The following CNTNAP2 variants were observed in gnomAD, a reference collection of about 807,000 sequenced individuals.
The protein encoded by CNTNAP2 is contactin-associated protein-like 2.
Under a neutral mutation model 155.2 loss-of-function variants are expected in CNTNAP2, and 98 were observed. The observed-to-expected ratio is 0.63, with a 90% CI of 0.54 to 0.75. The LOEUF (loss-of-function observed/expected upper bound fraction) is 0.75. Ranked by LOEUF, CNTNAP2 falls within the 30% of genes least tolerant of loss-of-function variation. The pLI, the probability that CNTNAP2 is intolerant of heterozygous loss-of-function variation, is 0.00. For missense variants in CNTNAP2, 1,727 were observed against 1,688.1 expected, an observed-to-expected ratio of 1.02 and a Z score of -0.40; for synonymous variants, 651 against 631.2, an observed-to-expected ratio of 1.03 and a Z score of -0.47.
intron 21 of CNTNAP2, among the ~76,000 whole-genome samples, chr7:148,377,188 G>C (rs1798983995): frequency 1.5e-5 from 1 of 67,692 alleles, no homozygotes; most frequent in African/African-American, 3.6e-5. Flanking sequence ...GGGAGCTTCA[G>C]GTGCTGGCCC....
intron 1 of CNTNAP2, among the ~76,000 whole-genome samples, chr7:146,517,347 G>T (rs1797556131): frequency 6.6e-6 from 1 of 151,922 alleles, no homozygotes; most frequent in South Asian, 2.1e-4. Flanking sequence ...TGGTGAAGAG[G>T]ATCATGAGAT....
chr7:147,172,560 G>T (rs1483804874), intron 8 of CNTNAP2, among the ~76,000 whole-genome samples: 1 of 151,858 alleles, frequency 6.6e-6, no homozygotes, highest in African/African-American at 2.4e-5. Context: ...GTAACTTCAT[G>T]GTTATAATTT....
intron 1 of CNTNAP2, among the ~76,000 whole-genome samples, chr7:146,336,501 T>A (rs982529612): frequency 2.0e-5 from 3 of 151,664 alleles, no homozygotes; most frequent in African/African-American, 7.3e-5. Context: ...CCTGCTGACA[T>A]GTTCTTAGAC....
chr7:146,234,170 A>G (rs1407652182), intron 1 of CNTNAP2, among the ~76,000 whole-genome samples: 1 of 151,050 alleles, frequency 6.6e-6, no homozygotes, highest in African/African-American at 2.4e-5. Context: ...AACTGGTGTG[A>G]GATGGTATCT....
intron 4 of CNTNAP2, among the ~76,000 whole-genome samples, chr7:147,095,186 A>ATTTTTTTTTT (rs36113270): frequency 7.9e-5 from 9 of 114,514 alleles, no homozygotes; most frequent in South Asian, 2.9e-4. Flanking sequence ...CGCCTGGCTA[A>ATTTTTTTTTT]TTTTTTTTTT....
chr7:147,857,052 G>A (rs1003859851), intron 13 of CNTNAP2, among the ~76,000 whole-genome samples: 2 of 152,164 alleles, frequency 1.3e-5, no homozygotes, highest in Non-Finnish European at 2.9e-5. Flanking sequence ...GGTAACATTA[G>A]GCCAGAATGA....
intron 1 of CNTNAP2, among the ~76,000 whole-genome samples, chr7:146,172,456 T>C (rs945203938): frequency 2.6e-5 from 4 of 152,108 alleles, no homozygotes; most frequent in Admixed American, 6.6e-5. Flanking sequence ...ACCTTAGTGG[T>C]CCAGATTTCT....
chr7:147,307,597 C>T (rs533875728), intron 9 of CNTNAP2, among the ~76,000 whole-genome samples: 2 of 151,594 alleles, frequency 1.3e-5, no homozygotes, highest in Non-Finnish European at 2.9e-5. Flanking sequence ...CCTGCCCCCC[C>T]AAAAAAGGAA....
intron 13 of CNTNAP2, among the ~76,000 whole-genome samples, chr7:147,729,786 A>C (rs898477012): frequency 6.6e-6 from 1 of 152,080 alleles, no homozygotes; most frequent in African/African-American, 2.4e-5. Context: ...AATGGTGGAC[A>C]ATATGGTCAG....
chr7:146,856,016 T>C (rs972761660), intron 3 of CNTNAP2, among the ~76,000 whole-genome samples: 2 of 151,360 alleles, frequency 1.3e-5, no homozygotes, highest in Non-Finnish European at 2.9e-5. Context: ...CAGGTTGTGG[T>C]CGAGAAAGAA....
intron 13 of CNTNAP2, among the ~76,000 whole-genome samples, chr7:147,694,039 G>A (rs1171383579): frequency 6.6e-6 from 1 of 151,838 alleles, no homozygotes; most frequent in East Asian, 1.9e-4. Flanking sequence ...TGAGCATTTT[G>A]TTATGCTTTG....
At chr7:147,831,836 A>G (rs1351203876) in intron 13 of CNTNAP2, 2 of 152,154 alleles carry the variant, frequency 1.3e-5, no homozygotes, top group Non-Finnish European at 2.9e-5. Flanking sequence ...AGGCCCCTGC[A>G]CAAGAATGAC....
chr7:147,793,188 A>T (rs1389739801), intron 13 of CNTNAP2, among the ~76,000 whole-genome samples: 1 of 152,078 alleles, frequency 6.6e-6, no homozygotes, highest in Admixed American at 6.6e-5. Flanking sequence ...TTTAATTTTG[A>T]TAATATTCAA....
intron 1 of CNTNAP2, among the ~76,000 whole-genome samples, chr7:146,176,811 A>C (rs2116829264): frequency 6.6e-6 from 1 of 152,330 alleles, no homozygotes; most frequent in African/African-American, 2.4e-5. Flanking sequence ...GGATTTAAAA[A>C]ATTTAGAAAG....
intron 1 of CNTNAP2, among the ~76,000 whole-genome samples, chr7:146,773,258 G>A (rs1459887841): frequency 6.6e-6 from 1 of 152,208 alleles, no homozygotes; most frequent in African/African-American, 2.4e-5. Context: ...TGCAGAAAGT[G>A]TTACAAATAG....
intron 17 of CNTNAP2, among the ~76,000 whole-genome samples, chr7:148,159,459 A>G (rs1450086356): frequency 1.3e-5 from 2 of 152,066 alleles, no homozygotes; most frequent in African/African-American, 2.4e-5. Flanking sequence ...TCTGCCTTAC[A>G]TTGTTAAGAT....
intron 18 of CNTNAP2, among the ~76,000 whole-genome samples, chr7:148,181,591 T>C (rs1795038318): frequency 1.3e-5 from 2 of 152,196 alleles, no homozygotes; most frequent in Admixed American, 1.3e-4. Flanking sequence ...TGAGAAAACC[T>C]GGCCAATTAA....
chr7:147,135,601 A>G (rs533452344), intron 8 of CNTNAP2, among the ~76,000 whole-genome samples: 2 of 151,806 alleles, frequency 1.3e-5, no homozygotes, highest in African/African-American at 2.4e-5. Context: ...AAAATTCAAA[A>G]CTCTGGGGAA....
chr7:147,854,195 A>G (rs1798998404), intron 13 of CNTNAP2, among the ~76,000 whole-genome samples: 1 of 152,174 alleles, frequency 6.6e-6, no homozygotes, highest in South Asian at 2.1e-4. Flanking sequence ...AAAGTTGACT[A>G]TGGGTAGAGA....
Sources: allele counts gnomAD v4.1 joint callset (sites outside exome capture counted in the v4.1 genomes callset), GRCh38; gene constraint gnomAD v4.1.1; transcripts MANE v1.5; gene names NCBI Gene and HGNC (gene_info 2026-07-23, HGNC 2026-07-21).